Variants in ADAMTSL3 observed in about 807,000 individuals in gnomAD.
ADAMTSL3 encodes the protein ADAMTS-like protein 3.
Under a neutral mutation model 201.7 loss-of-function variants are expected in ADAMTSL3, and 128 were observed. That is an observed-to-expected ratio of 0.63 (90% confidence interval 0.55 to 0.73). The LOEUF is 0.73. Among genes scored for constraint, ADAMTSL3 ranks in the 30% least tolerant of loss-of-function variants. ADAMTSL3 has a pLI of 0.00. For missense variants in ADAMTSL3, 1,990 were observed against 2,119.6 expected (o/e 0.94, Z 1.20); for synonymous variants, 738 against 748.4 (o/e 0.99, Z 0.23).
Position 83,862,676 on chromosome 15 carries a change from T to C in ADAMTSL3, c.802+3836T>C, listed in dbSNP as rs149108345. ...GCCACTGCAAAAACATGCCAAATTG[T>C]AAATACCATTGATGCTAGGAAGAAA... On this transcript the variant is annotated intron_variant, in intron 8 of 29. Coordinates refer to ENST00000286744, the MANE Select transcript of ADAMTSL3 (RefSeq NM_207517.3). 1.7e-3 allele frequency: 257 copies of C among 152,202 alleles called. 1 individual carries two copies. Among genetic ancestry groups the C allele is most frequent in the African/African-American group, 6.1e-3 (252 of 41,538 alleles). The allele number at this position is 152,202 out of a possible 1,614,324, so 9.4% of individuals were successfully genotyped here.
intron 4 of ADAMTSL3, among the ~76,000 whole-genome samples, chr15:83,791,052 A>G (rs1385558150): frequency 1.3e-5 from 2 of 152,218 alleles, no homozygotes; most frequent in Non-Finnish European, 2.9e-5. Context: ...GATCTCTACA[A>G]TGAAAACTGT....
intron 2 of ADAMTSL3, among the ~76,000 whole-genome samples, chr15:83,670,820 T>C (rs1291499300): frequency 6.6e-6 from 1 of 152,208 alleles, no homozygotes; most frequent in Non-Finnish European, 1.5e-5. Context: ...GTAACTCTGC[T>C]CTCCTGGGAT....
At chr15:83,807,914 C>G (rs566488181) in intron 5 of ADAMTSL3, among the ~76,000 whole-genome samples, 61 of 152,232 alleles carry the variant, frequency 4.0e-4, no homozygotes, top group African/African-American at 1.4e-3. Flanking sequence ...ATAAACTGTG[C>G]TGGGAAAATT....
chr15:83,902,545 C>G (rs181829045), intron 15 of ADAMTSL3, among the ~76,000 whole-genome samples: 1 of 152,310 alleles, frequency 6.6e-6, no homozygotes, highest in Admixed American at 6.5e-5. Context: ...GCTGGGATTA[C>G]AGGTGTGAGC....
chr15:83,986,870 C>T (rs941654935), intron 21 of ADAMTSL3, among the ~76,000 whole-genome samples: 17 of 152,286 alleles, frequency 1.1e-4, no homozygotes, highest in East Asian at 3.9e-4. Context: ...AGTAAGATTA[C>T]GCAGCAGAGG....
At chr15:83,687,841 G>A (rs1356906577) in intron 2 of ADAMTSL3, among the ~76,000 whole-genome samples, 1 of 152,094 alleles carries the variant, frequency 6.6e-6, no homozygotes, top group Non-Finnish European at 1.5e-5. Flanking sequence ...AACTGGAACA[G>A]CCACCAACTA....
At chr15:83,907,864 T>C (rs1237823353) in intron 15 of ADAMTSL3, among the ~76,000 whole-genome samples, 10 of 152,240 alleles carry the variant, frequency 6.6e-5, no homozygotes, top group Admixed American at 3.9e-4. Flanking sequence ...ATTTTTGATA[T>C]AATGATTTAT....
At chr15:83,986,981 C>T (rs7168418) in intron 21 of ADAMTSL3, among the ~76,000 whole-genome samples, 127,075 of 152,236 alleles carry the variant, frequency 0.83, 53,483 homozygotes, top group African/African-American at 0.95. Flanking sequence ...GTAAGGTTCA[C>T]GCATGCTCAG....
chr15:83,788,869 G>A (rs1284915789), intron 4 of ADAMTSL3, among the ~76,000 whole-genome samples: 2 of 152,120 alleles, frequency 1.3e-5, no homozygotes, highest in Admixed American at 6.5e-5. Flanking sequence ...GAGTGCAGTG[G>A]CTTGATCTTG....
chr15:83,980,913 C>T (rs2067374901), intron 20 of ADAMTSL3, among the ~76,000 whole-genome samples: 1 of 152,168 alleles, frequency 6.6e-6, no homozygotes, highest in South Asian at 2.1e-4. Flanking sequence ...CGCCAAGGGC[C>T]TGAGAAGGCT....
intron 7 of ADAMTSL3, among the ~76,000 whole-genome samples, chr15:83,852,544 T>A (rs1038080686): frequency 2.4e-4 from 37 of 152,238 alleles, no homozygotes; most frequent in African/African-American, 8.4e-4. Context: ...TGTCTTTATG[T>A]GCTTTTAGTT....
intron 7 of ADAMTSL3, among the ~76,000 whole-genome samples, chr15:83,849,754 T>C (rs999478887): frequency 1.3e-5 from 2 of 152,196 alleles, no homozygotes; most frequent in African/African-American, 2.4e-5. Flanking sequence ...TAATAGTCTT[T>C]GTATCAGTGC....
chr15:83,848,246 A>T (rs1264262987), intron 7 of ADAMTSL3, among the ~76,000 whole-genome samples: 1 of 152,226 alleles, frequency 6.6e-6, no homozygotes, highest in African/African-American at 2.4e-5. Flanking sequence ...AGTCACTAAG[A>T]CATCCTTTTC....
chr15:83,839,193 C>A (rs1301621169), intron 7 of ADAMTSL3, among the ~76,000 whole-genome samples: 2 of 152,080 alleles, frequency 1.3e-5, no homozygotes, highest in African/African-American at 4.8e-5. Flanking sequence ...GATTTTAAAT[C>A]TTTTATTCCT....
intron 10 of ADAMTSL3, among the ~76,000 whole-genome samples, chr15:83,886,122 G>A (rs903698925): frequency 5.3e-5 from 8 of 152,212 alleles, no homozygotes; most frequent in Admixed American, 2.6e-4. Context: ...TCATGCTCCG[G>A]TGGAAGATAA....
At chr15:83,769,469 T>C (rs1338335248) in intron 3 of ADAMTSL3, among the ~76,000 whole-genome samples, 3 of 152,220 alleles carry the variant, frequency 2.0e-5, no homozygotes, top group Non-Finnish European at 4.4e-5. Flanking sequence ...ACGTTTACTA[T>C]AGAAAATTGA....
rs1180647488 is a variant in ADAMTSL3, at chr15:83,720,805, A to G, written c.189+16297A>G. On this transcript the variant is annotated intron_variant, in intron 3 of 29. Coordinates refer to ENST00000286744, the MANE Select transcript of ADAMTSL3 (RefSeq NM_207517.3). ...ATTTCCTGCCCCATTACAGGATAGT[A>G]CTTTTATAATATAAAATAAATGTCC... Among the ~76,000 whole-genome samples the G allele has an allele frequency of 4.6e-5, 7 of 152,356 alleles. No homozygotes were observed. In the South Asian group the frequency reaches 1.5e-3, roughly 32 times the overall value.
At chr15:84,037,586 T>C in intron 29 of ADAMTSL3, 114 bp from the exon 30 acceptor site, 5 of 1,208,772 alleles carry the variant, frequency 4.1e-6, no homozygotes, top group Non-Finnish European at 3.4e-6. Flanking sequence ...AACCCAAAGC[T>C]GGTTTCTTCA....
Position 83,982,688 on chromosome 15 carries a change from CAGCGAAGCCAAT to C in ADAMTSL3, c.3063_3074del (p.Glu1022_Ser1025del), listed in dbSNP as rs139651718. On this transcript the variant is annotated inframe_deletion, in exon 21 of 30. Transcript: ENST00000286744. ...TGAGGGAATATCCTGGGATGGACCACAGCGAAGCCAATAGTTTGGGAGTCACATGGCACAAAA... is the reference window on the plus strand; with the variant it reads ...TGAGGGAATATCCTGGGATGGACCACAGTTTGGGAGTCACATGGCACAAAA... The C allele has an allele frequency of 1.6e-3, 2,636 of 1,614,142 alleles. 42 individuals are homozygous for C. In the African/African-American group the frequency reaches 0.031, roughly 19 times the overall value.
Sources: gnomAD v4.1 joint callset for allele counts (sites outside exome capture counted in the v4.1 genomes callset) on GRCh38, gnomAD v4.1.1 for gene constraint, MANE v1.5 for transcripts, NCBI Gene and HGNC (gene_info 2026-07-23, HGNC 2026-07-21) for gene names.